Variants in XXYLT1 observed in about 807,000 individuals in gnomAD.
XXYLT1 encodes the protein xyloside xylosyltransferase 1, also known as UDP-xylose:alpha-xyloside alpha-1,3-xylosyltransferase.
In XXYLT1, 20 loss-of-function variants were observed where a neutral mutation model predicts 28.9. The ratio of observed to expected loss-of-function variants is 0.69; its 90% CI spans 0.49 to 1.00. The LOEUF is 1.00. Ranked by LOEUF, XXYLT1 falls within the 50% of genes least tolerant of loss-of-function variation. XXYLT1 has a pLI of 0.00. For synonymous variants in XXYLT1, 257 were observed against 253.8 expected, an observed-to-expected ratio of 1.01 and a Z score of -0.12; for missense variants, 542 against 560.1, an observed-to-expected ratio of 0.97 and a Z score of 0.33.
At chr3:195,080,542 CGGGGGTGGG>C (rs1238421589) in intron 3 of XXYLT1, among the ~76,000 whole-genome samples, 1 of 47,390 alleles carries the variant, frequency 2.1e-5, no homozygotes, top group African/African-American at 7.8e-5. Flanking sequence ...TTTAAGGGAG[CGGGGGTGGG>C]GGGGATGGGG....
At chr3:195,244,483 C>T (rs942663707) in intron 1 of XXYLT1, among the ~76,000 whole-genome samples, 3 of 152,104 alleles carry the variant, frequency 2.0e-5, no homozygotes, top group East Asian at 1.9e-4. Flanking sequence ...CACTCCCGGC[C>T]GGGCGCGGTG....
chr3:195,197,931 C>T (rs1182564663), intron 2 of XXYLT1, among the ~76,000 whole-genome samples: 1 of 152,242 alleles, frequency 6.6e-6, no homozygotes, highest in Non-Finnish European at 1.5e-5. Flanking sequence ...TGGCCTCACC[C>T]ACCAGTTAAC....
intron 3 of XXYLT1, among the ~76,000 whole-genome samples, chr3:195,102,645 A>G (rs1716855999): frequency 6.6e-6 from 1 of 151,842 alleles, no homozygotes; most frequent in African/African-American, 2.4e-5. Flanking sequence ...TTAAAGGCCG[A>G]GTAATATTCC....
chr3:195,123,568 C>T (rs1361129086), intron 3 of XXYLT1, among the ~76,000 whole-genome samples: 1 of 152,182 alleles, frequency 6.6e-6, no homozygotes, highest in African/African-American at 2.4e-5. Flanking sequence ...TGAAGGAGCT[C>T]GTCAGCTGAA....
At chr3:195,122,319 G>A in intron 3 of XXYLT1, 1 of 603,322 alleles carries the variant, frequency 1.7e-6, no homozygotes, top group South Asian at 2.0e-5. Context: ...AGTCTAAAAG[G>A]GCTGAGGTTA....
At chr3:195,183,010 C>T (rs1286114903) in intron 2 of XXYLT1, among the ~76,000 whole-genome samples, 1 of 152,174 alleles carries the variant, frequency 6.6e-6, no homozygotes, top group African/African-American at 2.4e-5. Context: ...TTCTATAAAG[C>T]CTTGTGAGGT....
In XXYLT1 at chr3:195,209,757, C is replaced by T. The variant is rs1228090521; in HGVS notation, c.652+16952G>A. 6.5e-6 allele frequency: 1 copy of T among 152,792 alleles called. No individual in the cohort carries two copies. The highest frequency in any genetic ancestry group is 1.9e-4 in the East Asian group (1 of 5,190). The allele number at this position is 152,792 out of a possible 1,614,324, so 9.5% of individuals were successfully genotyped here. ...GAGGCCGGGCCCACACCCTGCAGCC[C>T]ACTCTCTCTGGAGGCCCAGCTATCG... On this transcript the variant is annotated intron_variant, in intron 2 of 3. Coordinates refer to ENST00000310380, the MANE Select transcript of XXYLT1 (RefSeq NM_152531.5). This position sits in a 1 kb window ranked among gnomAD's most constrained non-coding sequence, Gnocchi z 5.0.
At position 195,248,791 on chromosome 3, in the gene XXYLT1, G is replaced by A. The variant is rs754207556; in HGVS notation, c.504+21764C>T. ...AAAAATTAGCTGAGTGTGGTGGCAG[G>A]CACCTGTAATCCCAGCTACTCGGGA... is the stretch of plus-strand genomic sequence containing the variant. On this transcript the variant is annotated intron_variant, in intron 1 of 3. Coordinates refer to ENST00000310380, the MANE Select transcript of XXYLT1 (RefSeq NM_152531.5). 1.1e-3 allele frequency among the ~76,000 whole-genome samples: 163 copies of A among 152,118 alleles called. 2 individuals carry two copies. The highest frequency in any genetic ancestry group is 4.3e-4 in the Non-Finnish European group (29 of 68,024).
intron 3 of XXYLT1, among the ~76,000 whole-genome samples, chr3:195,114,461 G>C (rs1717940941): frequency 6.6e-6 from 1 of 152,168 alleles, no homozygotes; most frequent in South Asian, 2.1e-4. Context: ...TCTGTGTACG[G>C]TCCTGTGCCT....
At chr3:195,247,558 T>A (rs1431593576) in intron 1 of XXYLT1, among the ~76,000 whole-genome samples, 3 of 152,156 alleles carry the variant, frequency 2.0e-5, no homozygotes, top group African/African-American at 7.2e-5. Context: ...TGAGCCCCAG[T>A]TCCGAATGGC....
chr3:195,181,887 G>A lies in XXYLT1; in HGVS notation c.653-25306C>T, dbSNP rs1233298855. ...AGAGGTTAGCTCCTAATGAGCTTCC[G>A]TATTTTTCTTGAGAAAGCTGGTCAC... On this transcript the variant is annotated intron_variant, in intron 2 of 3. Transcript: ENST00000310380. Among the ~76,000 whole-genome samples, 8 of 152,200 alleles carry A rather than the reference G, an allele frequency of 5.3e-5. No individual in the cohort carries two copies. The East Asian group carries it at 1.5e-3, about 29-fold the overall frequency.
intron 3 of XXYLT1, among the ~76,000 whole-genome samples, chr3:195,110,305 T>TGTGTGC (rs1273565560): frequency 7.0e-4 from 5 of 7,122 alleles, no homozygotes; most frequent in East Asian, 1.7e-3. Context: ...GTGTGTGGTA[T>TGTGTGC]ATGTGTGTGT....
At chr3:195,249,375 G>A (rs1281220180) in intron 1 of XXYLT1, among the ~76,000 whole-genome samples, 5 of 152,134 alleles carry the variant, frequency 3.3e-5, no homozygotes, top group African/African-American at 9.7e-5. Context: ...TCAGGCATAC[G>A]GCTCACATCA....
chr3:195,119,382 T>C (rs1268066169), intron 3 of XXYLT1, among the ~76,000 whole-genome samples: 2 of 152,052 alleles, frequency 1.3e-5, no homozygotes, highest in Non-Finnish European at 2.9e-5. Context: ...TGACCTTAGA[T>C]TGCTGTATAA....
At chr3:195,084,121 A>G (rs1021608963) in intron 3 of XXYLT1, among the ~76,000 whole-genome samples, 1 of 152,218 alleles carries the variant, frequency 6.6e-6, no homozygotes, top group Admixed American at 6.5e-5. Context: ...CACCAAGTTC[A>G]GAGCTGGAGT....
rs114311167 is a variant in XXYLT1, at chr3:195,155,316, G to A, written c.785+1133C>T. 9.8e-3 allele frequency among the ~76,000 whole-genome samples: 1,495 copies of A among 152,284 alleles called. 8 individuals are homozygous for A. In the Middle Eastern group the frequency reaches 0.11, roughly 11 times the overall value. On this transcript the variant is annotated intron_variant, in intron 3 of 3. Coordinates refer to ENST00000310380, the MANE Select transcript of XXYLT1 (RefSeq NM_152531.5). ...GACTGGGCCTCCCTCCAGGAAGGTC[G>A]GCAGGGAGCCAGCATCACGGTGTGC...
intron 1 of XXYLT1, among the ~76,000 whole-genome samples, chr3:195,251,766 C>T (rs571285088): frequency 3.3e-5 from 5 of 152,290 alleles, no homozygotes; most frequent in Non-Finnish European, 4.4e-5. Flanking sequence ...AGGGAGTCTC[C>T]GCCAAGTGCT....
intron 3 of XXYLT1, among the ~76,000 whole-genome samples, chr3:195,102,313 T>G (rs1716835514): frequency 6.6e-6 from 1 of 152,090 alleles, no homozygotes; most frequent in Non-Finnish European, 1.5e-5. Context: ...CAAACTCTTT[T>G]CGCAAAATTC....
intron 3 of XXYLT1, among the ~76,000 whole-genome samples, chr3:195,105,856 C>T (rs1048793101): frequency 1.3e-5 from 2 of 152,212 alleles, no homozygotes; most frequent in African/African-American, 4.8e-5. Flanking sequence ...TTCCTGGTGA[C>T]GTTTCCAGCT....
Sources: allele counts gnomAD v4.1 joint callset (sites outside exome capture counted in the v4.1 genomes callset), GRCh38; gene constraint gnomAD v4.1.1; non-coding constraint Gnocchi (gnomAD v3.1); transcripts MANE v1.5; gene names NCBI Gene and HGNC (gene_info 2026-07-23, HGNC 2026-07-21).